The following ZNHIT6 variants were observed in gnomAD, a reference collection of about 807,000 sequenced individuals.
ZNHIT6 encodes box C/D snoRNA protein 1.
In ZNHIT6, 45 loss-of-function variants were observed where a neutral mutation model predicts 57.2. That is an observed-to-expected ratio of 0.79 (90% CI 0.62 to 1.01). ZNHIT6 has a LOEUF of 1.01. ZNHIT6 is among the 50% of genes least tolerant of loss of function. The probability of loss-of-function intolerance (pLI) is 0.00; values close to 1 mark genes in which losing one functional copy is unlikely to be tolerated. For synonymous variants in ZNHIT6, 188 were observed against 190.0 expected, an observed-to-expected ratio of 0.99 and a Z score of 0.09; for missense variants, 528 against 567.3, an observed-to-expected ratio of 0.93 and a Z score of 0.70.
rs1416397352 is a variant in ZNHIT6, at chr1:85,680,835, C to A, written c.1088+1G>T. 1.2e-6 allele frequency: 2 copies of A among 1,608,434 alleles called. No homozygotes were observed. The highest frequency in any genetic ancestry group is 2.2e-5 in the South Asian group (2 of 89,658). ...CAGTGATTGAAAGATAGCAGTGATA[C>A]CTTTTTTCTATGTACTCAGCTTGAC... is the stretch of plus-strand genomic sequence containing the variant. On this transcript the variant is annotated splice_donor_variant, in intron 6 of 9. Coordinates refer to ENST00000370574, the MANE Select transcript of ZNHIT6 (RefSeq NM_017953.4). LOFTEE classifies it high-confidence loss of function.
At chr1:85,670,987 G>T (rs753743462) in intron 8 of ZNHIT6, among the ~76,000 whole-genome samples, 8 of 152,186 alleles carry the variant, frequency 5.3e-5, no homozygotes, top group Non-Finnish European at 8.8e-5. Context: ...ACATCAGGAA[G>T]AAATAGATGC....
Position 85,707,677 on chromosome 1 carries a change from G to A in ZNHIT6, c.608C>T (p.Pro203Leu), listed in dbSNP as rs749864132. The A allele has an allele frequency of 1.9e-6, 3 of 1,574,620 alleles. No individual in the cohort carries two copies. The East Asian group carries it at 6.7e-5, about 35-fold the overall frequency. The change falls in exon 1 of 10, where the codon CCT (proline) becomes CTT (leucine). Residue 203 changes from proline to leucine, a missense_variant. Transcript: ENST00000370574. ...IVDDTKVKEE[P>L]PINHPVGCKR... ...GCAGCCCACCGGGTGATTTATCGGAGGCTCTTCTTTCACCTTTGTATCATC... is the reference window on the plus strand; with the variant it reads ...GCAGCCCACCGGGTGATTTATCGGAAGCTCTTCTTTCACCTTTGTATCATC...
intron 6 of ZNHIT6, 103 bp from the exon 7 acceptor site, chr1:85,678,884 T>C (rs1661783180): frequency 6.6e-6 from 4 of 605,042 alleles, no homozygotes; most frequent in Non-Finnish European, 1.1e-5. Context: ...TTGGTTTAAA[T>C]AACTGAACAA....
intron 5 of ZNHIT6, among the ~76,000 whole-genome samples, chr1:85,683,259 C>T (rs1216783930): frequency 6.6e-6 from 1 of 150,762 alleles, no homozygotes. Flanking sequence ...TGGCTCACGC[C>T]TCTAATCCCA....
At chr1:85,696,830 T>C (rs955053043) in intron 5 of ZNHIT6, among the ~76,000 whole-genome samples, 2 of 151,104 alleles carry the variant, frequency 1.3e-5, no homozygotes, top group African/African-American at 4.9e-5. Flanking sequence ...TATGTACACA[T>C]ATCTTTCTAT....
chr1:85,668,637 T>C (rs1661454625), intron 8 of ZNHIT6, among the ~76,000 whole-genome samples: 1 of 152,238 alleles, frequency 6.6e-6, no homozygotes, highest in East Asian at 1.9e-4. Flanking sequence ...ACACATCTTA[T>C]AAATTTCCTA....
chr1:85,658,240 T>C (rs1468234762), intron 8 of ZNHIT6, among the ~76,000 whole-genome samples: 1 of 152,096 alleles, frequency 6.6e-6, no homozygotes, highest in African/African-American at 2.4e-5. Context: ...TTTCTTTTTC[T>C]TTTTTTGATA....
At chr1:85,704,136 G>A (rs1468333262) in intron 4 of ZNHIT6, among the ~76,000 whole-genome samples, 75 of 152,268 alleles carry the variant, frequency 4.9e-4, no homozygotes, top group Non-Finnish European at 1.5e-5. Context: ...GTATTGGCGA[G>A]AATATGACAA....
At chr1:85,689,375 CATG>C (rs1487830824) in intron 5 of ZNHIT6, among the ~76,000 whole-genome samples, 11 of 151,856 alleles carry the variant, frequency 7.2e-5, no homozygotes, top group Non-Finnish European at 1.2e-4. Context: ...GGATTAGTAC[CATG>C]ATAAGTGTTT....
At chr1:85,692,083 C>T (rs1318980136) in intron 5 of ZNHIT6, among the ~76,000 whole-genome samples, 1 of 152,106 alleles carries the variant, frequency 6.6e-6, no homozygotes, top group East Asian at 1.9e-4. Flanking sequence ...GCAGGAGAAT[C>T]GCTTGAACCC....
At chr1:85,692,620 A>C (rs946332525) in intron 5 of ZNHIT6, among the ~76,000 whole-genome samples, 1 of 152,084 alleles carries the variant, frequency 6.6e-6, no homozygotes, top group African/African-American at 2.4e-5. Context: ...CATGACCACA[A>C]CTGCTAAACC....
intron 8 of ZNHIT6, among the ~76,000 whole-genome samples, chr1:85,673,282 T>C (rs1661613757): frequency 6.6e-6 from 1 of 152,208 alleles, no homozygotes; most frequent in African/African-American, 2.4e-5. Context: ...TTTAAAAAGC[T>C]ATAATAGCTT....
chr1:85,657,513 G>A (rs1223450129), intron 9 of ZNHIT6, among the ~76,000 whole-genome samples: 1 of 148,934 alleles, frequency 6.7e-6, no homozygotes, highest in African/African-American at 2.5e-5. Context: ...TAACTATGGA[G>A]TAAATGTACG....
At chr1:85,659,951 C>T (rs1661178122) in intron 8 of ZNHIT6, among the ~76,000 whole-genome samples, 1 of 152,168 alleles carries the variant, frequency 6.6e-6, no homozygotes, top group African/African-American at 2.4e-5. Context: ...TCTAAACCAG[C>T]CACCTTAGTG....
At chr1:85,690,590 C>T (rs1662188612) in intron 5 of ZNHIT6, among the ~76,000 whole-genome samples, 1 of 152,182 alleles carries the variant, frequency 6.6e-6, no homozygotes, top group South Asian at 2.1e-4. Context: ...ACAACACTAA[C>T]TATACTATGT....
rs758221690 is a variant in ZNHIT6, at chr1:85,706,518, C to A, written c.657-11G>T. 1 of 1,532,532 alleles carries A rather than the reference C, an allele frequency of 6.5e-7. No homozygotes were observed. The allele number at this position is 1,532,532 out of a possible 1,614,324, so 94.9% of individuals were successfully genotyped here. ...CCACAAGTCTCACACCTACAAAAGC[C>A]CACATGTAACATTAAATTATCAAAT... On this transcript the variant is annotated splice_polypyrimidine_tract_variant and intron_variant, in intron 1 of 9. Transcript: ENST00000370574.
chr1:85,670,742 T>C (rs561812338), intron 8 of ZNHIT6, among the ~76,000 whole-genome samples: 7 of 152,180 alleles, frequency 4.6e-5, no homozygotes, highest in Non-Finnish European at 7.3e-5. Context: ...TGGTAACTAA[T>C]AGTCTACATA....
intron 8 of ZNHIT6, among the ~76,000 whole-genome samples, chr1:85,659,570 T>C (rs1377895856): frequency 2.0e-5 from 3 of 152,206 alleles, no homozygotes; most frequent in Admixed American, 6.5e-5. Context: ...GAGGTTATCA[T>C]TGGGATACAT....
intron 4 of ZNHIT6, among the ~76,000 whole-genome samples, chr1:85,704,215 C>A (rs1662615464): frequency 6.6e-6 from 1 of 152,150 alleles, no homozygotes; most frequent in African/African-American, 2.4e-5. Flanking sequence ...GTTTTGGTAA[C>A]ATCTAGGCAA....
Sources: gnomAD v4.1 joint callset for allele counts (sites outside exome capture counted in the v4.1 genomes callset) on GRCh38, gnomAD v4.1.1 for gene constraint, MANE v1.5 for transcripts, NCBI Gene and HGNC (gene_info 2026-07-23, HGNC 2026-07-21) for gene names.